DTNA: variants seen among roughly 807,000 people sequenced by gnomAD.
DTNA encodes the protein dystrobrevin alpha, also known as dystrophin-related protein 3.
A neutral mutation model predicts 100.7 loss-of-function variants in DTNA; 43 were observed. That is an observed-to-expected ratio of 0.43 (90% CI 0.33 to 0.55). The LOEUF is 0.55. Among genes scored for constraint, DTNA ranks in the 20% least tolerant of loss-of-function variants. The pLI is 0.04. For synonymous variants in DTNA, 349 were observed against 347.9 expected, an observed-to-expected ratio of 1.00 and a Z score of -0.04; for missense variants, 798 against 953.9, an observed-to-expected ratio of 0.84 and a Z score of 2.15.
intron 20 of DTNA, 126 bp downstream of exon 20, chr18:34,879,845 T>C: frequency 8.2e-7 from 1 of 1,225,206 alleles, no homozygotes; most frequent in Non-Finnish European, 1.2e-6. Flanking sequence ...AGTTTTCTGT[T>C]CTGCCAGAGA....
chr18:34,749,401 C>T (rs1437117592), intron 1 of DTNA, among the ~76,000 whole-genome samples: 1 of 151,986 alleles, frequency 6.6e-6, no homozygotes, highest in Admixed American at 6.6e-5. Flanking sequence ...AGTTTCAGTT[C>T]TCAGGGGGAA....
intron 1 of DTNA, among the ~76,000 whole-genome samples, chr18:34,510,069 T>TGTGTG (rs2040884110): frequency 1.7e-4 from 24 of 144,960 alleles, no homozygotes; most frequent in African/African-American, 5.8e-4. Context: ...GAGTGTAATT[T>TGTGTG]TGTGTGTGTG....
At chr18:34,579,233 GAC>G (rs2146610971) in intron 1 of DTNA, among the ~76,000 whole-genome samples, 1 of 152,150 alleles carries the variant, frequency 6.6e-6, no homozygotes, top group African/African-American at 2.4e-5. Flanking sequence ...TATAGGTAAC[GAC>G]ACAAAATGTG....
At chr18:34,704,248 G>A (rs1173782243) in intron 1 of DTNA, among the ~76,000 whole-genome samples, 1 of 152,070 alleles carries the variant, frequency 6.6e-6, no homozygotes, top group Non-Finnish European at 1.5e-5. Flanking sequence ...ATAATTACTT[G>A]TCCTTTCCCC....
intron 15 of DTNA, among the ~76,000 whole-genome samples, chr18:34,853,838 CT>C (rs1278546095): frequency 6.6e-6 from 1 of 152,054 alleles, no homozygotes; most frequent in Non-Finnish European, 1.5e-5. Flanking sequence ...ATTACCTATT[CT>C]ATTTTATGTA....
At chr18:34,759,659 C>A (rs1404764560) in intron 2 of DTNA, among the ~76,000 whole-genome samples, 4 of 152,112 alleles carry the variant, frequency 2.6e-5, no homozygotes, top group Admixed American at 1.3e-4. Flanking sequence ...TGAAACTACT[C>A]AACAAATACC....
intron 1 of DTNA, among the ~76,000 whole-genome samples, chr18:34,531,218 C>T (rs977489996): frequency 3.3e-5 from 5 of 152,034 alleles, no homozygotes; most frequent in African/African-American, 4.8e-5. Flanking sequence ...TAATTCATGA[C>T]GCTTTGTTGG....
intron 1 of DTNA, among the ~76,000 whole-genome samples, chr18:34,642,208 C>A (rs2059352565): frequency 6.6e-6 from 1 of 152,108 alleles, no homozygotes; most frequent in African/African-American, 2.4e-5. Flanking sequence ...CATCCTAGAG[C>A]CAAATTGAAT....
chr18:34,526,109 G>T (rs762736353), intron 1 of DTNA, among the ~76,000 whole-genome samples: 8 of 152,166 alleles, frequency 5.3e-5, no homozygotes, highest in Admixed American at 1.3e-4. Flanking sequence ...GCACGGCTAC[G>T]TGTGTTCTGG....
chr18:34,753,404 A>G, intron 1 of DTNA, among the ~76,000 whole-genome samples: 1 of 111,212 alleles, frequency 9.0e-6, no homozygotes, highest in South Asian at 2.7e-4. Flanking sequence ...TTTTTTTGAG[A>G]CGGAGTCTCG....
chr18:34,726,234 C>T (rs1373614092), intron 1 of DTNA, among the ~76,000 whole-genome samples: 1 of 151,952 alleles, frequency 6.6e-6, no homozygotes, highest in Non-Finnish European at 1.5e-5. Flanking sequence ...TACCCCAGAA[C>T]TTAAAGTATA....
At chr18:34,828,302 G>A (rs1351222037) in intron 10 of DTNA, among the ~76,000 whole-genome samples, 2 of 152,126 alleles carry the variant, frequency 1.3e-5, no homozygotes, top group Admixed American at 1.3e-4. Context: ...ACATATGCAG[G>A]GTCAAGAGGT....
At chr18:34,517,382 TA>T (rs1182694590) in intron 1 of DTNA, among the ~76,000 whole-genome samples, 1 of 152,008 alleles carries the variant, frequency 6.6e-6, no homozygotes, top group Non-Finnish European at 1.5e-5. Flanking sequence ...TGCAAAACTG[TA>T]ATAAAATATC....
chr18:34,731,401 C>G (rs552661152), intron 1 of DTNA, among the ~76,000 whole-genome samples: 34 of 152,156 alleles, frequency 2.2e-4, no homozygotes, highest in Middle Eastern at 3.4e-3. Flanking sequence ...ATGGCGTGAA[C>G]CCGGGAAGCG....
intron 3 of DTNA, among the ~76,000 whole-genome samples, chr18:34,785,782 C>CT (rs1394518442): frequency 6.7e-6 from 1 of 150,040 alleles, no homozygotes; most frequent in African/African-American, 2.5e-5. Context: ...TTTAATATCT[C>CT]TATCTCCTCC....
chr18:34,752,568 G>A (rs550420637), intron 1 of DTNA, among the ~76,000 whole-genome samples: 68 of 152,310 alleles, frequency 4.5e-4, no homozygotes, highest in African/African-American at 1.6e-3. Context: ...TACGATCAAT[G>A]AGTAATAGGT....
chr18:34,714,276 A>G (rs1319574895), intron 1 of DTNA, among the ~76,000 whole-genome samples: 1 of 149,014 alleles, frequency 6.7e-6, no homozygotes. Flanking sequence ...AAAAGAAACT[A>G]CCATCAGAGT....
At chr18:34,867,567 T>G (rs922541253) in intron 17 of DTNA, 5 of 1,094,698 alleles carry the variant, frequency 4.6e-6, no homozygotes, top group Non-Finnish European at 5.5e-6. Context: ...TGTCTCTTAT[T>G]TAGCATGTGC....
chr18:34,884,788 C>T lies in DTNA; in HGVS notation c.*31+12C>T. 3.1e-6 allele frequency: 5 copies of T among 1,613,834 alleles called. No homozygotes were observed. Among genetic ancestry groups the T allele is most frequent in the Non-Finnish European group, 4.2e-6 (5 of 1,179,740 alleles). On this transcript the variant is annotated intron_variant, in intron 22 of 22. Coordinates refer to ENST00000444659, the MANE Select transcript of DTNA (RefSeq NM_001386795.1). ...CACACTCCTCTCAAGTAAGTACCAT[C>T]TTATTTAGGAGGAATCATGGCCACT...
Sources: allele counts gnomAD v4.1 joint callset (sites outside exome capture counted in the v4.1 genomes callset), GRCh38; gene constraint gnomAD v4.1.1; transcripts MANE v1.5; gene names NCBI Gene and HGNC (gene_info 2026-07-23, HGNC 2026-07-21).